LRRC7: variants seen among roughly 807,000 people sequenced by gnomAD.
The protein encoded by LRRC7 is leucine-rich repeat-containing protein 7.
Under a neutral mutation model 175.7 loss-of-function variants are expected in LRRC7, and 23 were observed. That is an observed-to-expected ratio of 0.13 (90% confidence interval 0.09 to 0.19). The LOEUF (loss-of-function observed/expected upper bound fraction) is 0.19. Ranked by LOEUF, LRRC7 falls within the 10% of genes least tolerant of loss-of-function variation. LRRC7 has a pLI of 1.00. For synonymous variants in LRRC7, 685 were observed against 680.9 expected (o/e 1.01, Z -0.09); for missense variants, 1,354 against 1,904.7 (o/e 0.71, Z 5.38).
chr1:69,919,524 C>G (rs968819937), intron 7 of LRRC7: 2 of 808,150 alleles, frequency 2.5e-6, no homozygotes, highest in African/African-American at 1.7e-5. Context: ...CCAGGGTCCG[C>G]CGCTCGCACC....
intron 20 of LRRC7, 138 bp from the exon 21 acceptor site, chr1:70,037,975 A>G (rs1571125180): frequency 8.5e-7 from 1 of 1,175,112 alleles, no homozygotes; most frequent in East Asian, 2.4e-5. Context: ...AAATAATAAT[A>G]CTATCTTAAT....
intron 4 of LRRC7, among the ~76,000 whole-genome samples, chr1:69,819,509 T>A (rs974408845): frequency 6.6e-6 from 1 of 151,924 alleles, no homozygotes; most frequent in Non-Finnish European, 1.5e-5. Context: ...GAATATTTCA[T>A]GTGTGCTTGA....
chr1:69,578,349 G>C (rs1202190547), intron 1 of LRRC7, among the ~76,000 whole-genome samples: 2 of 149,490 alleles, frequency 1.3e-5, no homozygotes, highest in African/African-American at 5.0e-5. Flanking sequence ...TGGTGGGACT[G>C]TAAACTAGTT....
intron 7 of LRRC7, among the ~76,000 whole-genome samples, chr1:69,892,561 A>C (rs868824266): frequency 6.6e-6 from 1 of 152,180 alleles, no homozygotes; most frequent in Admixed American, 6.6e-5. Flanking sequence ...TTACGACTCA[A>C]ACTGTCATCC....
intron 23 of LRRC7, among the ~76,000 whole-genome samples, chr1:70,060,197 G>A (rs550281741): frequency 5.2e-4 from 79 of 151,954 alleles, no homozygotes; most frequent in African/African-American, 1.7e-3. Flanking sequence ...GGTGGTGTGC[G>A]TCTGTAGTCC....
intron 10 of LRRC7, 87 bp from the exon 11 acceptor site, chr1:69,994,474 C>T: frequency 1.1e-6 from 1 of 950,426 alleles, no homozygotes. Context: ...AAGCATTCAA[C>T]ACAAGTGATT....
intron 1 of LRRC7, among the ~76,000 whole-genome samples, chr1:69,621,201 T>G (rs1650526261): frequency 6.6e-6 from 1 of 152,088 alleles, no homozygotes; most frequent in South Asian, 2.1e-4. Context: ...TGTGCCACCA[T>G]GCCCGGCTAA....
At position 69,791,977 on chromosome 1, in the gene LRRC7, TG is replaced by T. The variant is rs1180072323; in HGVS notation, c.304-65del. On this transcript the variant is annotated intron_variant, in intron 3 of 26. Coordinates refer to ENST00000651989, the MANE Select transcript of LRRC7 (RefSeq NM_001370785.2). The stretch of plus-strand genomic sequence containing the variant: ...TATATAAACATGGTGACTTTAATTT[TG>T]TTACTGAGTTTATGAATGAATTTAA... The T allele has an allele frequency of 2.9e-6, 3 of 1,048,926 alleles. No homozygotes were observed. The African/African-American group carries it at 4.8e-5, about 17-fold the overall frequency. 65.0% of individuals were successfully genotyped at this position (1,048,926 alleles called of 1,614,324 possible).
At chr1:69,611,419 C>A (rs1773332) in intron 1 of LRRC7, among the ~76,000 whole-genome samples, 19,504 of 151,922 alleles carry the variant, frequency 0.13, 1,594 homozygotes, top group South Asian at 0.19. Flanking sequence ...TAGTTGTATT[C>A]TGAAATGTTG....
rs188320543 is a variant in LRRC7 at position 69,744,267 on chromosome 1, A to G, written c.101-15924A>G. 1.8e-4 allele frequency among the ~76,000 whole-genome samples: 28 copies of G among 151,974 alleles called. No individual in the cohort carries two copies. In the East Asian group the frequency reaches 5.2e-3, roughly 28 times the overall value. ...ATGCTCTCAACTGCAATACACACGTATATACATACACATGTACAATATATA... is the reference window on the plus strand; with the variant it reads ...ATGCTCTCAACTGCAATACACACGTGTATACATACACATGTACAATATATA... On this transcript the variant is annotated intron_variant, in intron 2 of 26. Transcript: ENST00000651989.
chr1:69,761,478 T>C (rs971056073), intron 3 of LRRC7, among the ~76,000 whole-genome samples: 1 of 152,062 alleles, frequency 6.6e-6, no homozygotes, highest in African/African-American at 2.4e-5. Flanking sequence ...GCTGTTTACA[T>C]AACACTTCAA....
chr1:69,923,869 T>C (rs894659555), intron 7 of LRRC7, among the ~76,000 whole-genome samples: 9 of 152,194 alleles, frequency 5.9e-5, no homozygotes, highest in African/African-American at 2.2e-4. Flanking sequence ...AGACATGAAG[T>C]CCTTGCCCAT....
chr1:69,608,157 A>G (rs1330089799), intron 1 of LRRC7: 1 of 152,540 alleles, frequency 6.6e-6, no homozygotes, highest in Non-Finnish European at 1.5e-5. Context: ...CTAATTTTCA[A>G]TAATATACAA....
At chr1:69,696,939 T>C (rs1462359556) in intron 2 of LRRC7, among the ~76,000 whole-genome samples, 1 of 152,204 alleles carries the variant, frequency 6.6e-6, no homozygotes, top group African/African-American at 2.4e-5. Flanking sequence ...CAGCTTCAGG[T>C]ATTCCTTTAT....
At chr1:70,096,383 T>C (rs959644645) in intron 25 of LRRC7, among the ~76,000 whole-genome samples, 5 of 152,194 alleles carry the variant, frequency 3.3e-5, no homozygotes, top group African/African-American at 9.7e-5. Flanking sequence ...GCTTCCTATA[T>C]TTAAAAATCG....
chr1:70,078,826 A>G lies in LRRC7; in HGVS notation c.4452+2528A>G, dbSNP rs986638684. Among the ~76,000 whole-genome samples the G allele has an allele frequency of 3.9e-3, 182 of 46,828 alleles. 1 individual carries two copies. Among genetic ancestry groups the G allele is most frequent in the African/African-American group, 7.8e-3 (128 of 16,416 alleles). 30.7% of individuals were successfully genotyped at this position (46,828 alleles called of 152,430 possible). A position where few individuals can be genotyped will look rare whatever the true frequency, so the allele number is the denominator to read the frequency against. Reference sequence around the variant, plus strand: ...CGCGCGCGCGCACACACACACACGCACACACACACACACACACACACACAC... The same window carrying G: ...CGCGCGCGCGCACACACACACACGCGCACACACACACACACACACACACAC... On this transcript the variant is annotated intron_variant, in intron 24 of 26. Coordinates refer to ENST00000651989, the MANE Select transcript of LRRC7 (RefSeq NM_001370785.2).
In LRRC7 at chr1:70,140,853, T is replaced by TC. The variant is rs1419551533; in HGVS notation, c.*18967dup. Among the ~76,000 whole-genome samples the TC allele has an allele frequency of 6.6e-6, 1 of 152,106 alleles. No homozygotes were observed. The highest frequency in any genetic ancestry group is 1.5e-5 in the Non-Finnish European group (1 of 67,982). ...GATGGCTTTCCCTTCTCCCTAAGTG[T>TC]CAGTGACTTAACTGACATAAATGCA... On this transcript the variant is annotated 3_prime_UTR_variant, in exon 27 of 27. Transcript: ENST00000651989.
intron 25 of LRRC7, among the ~76,000 whole-genome samples, chr1:70,103,496 T>A (rs892504128): frequency 2.0e-5 from 3 of 152,258 alleles, no homozygotes; most frequent in South Asian, 4.1e-4. Context: ...ATCATGAGCC[T>A]AGGAATGTGG....
intron 7 of LRRC7, among the ~76,000 whole-genome samples, chr1:69,851,991 A>G (rs1304800456): frequency 6.6e-6 from 1 of 152,146 alleles, no homozygotes; most frequent in East Asian, 1.9e-4. Context: ...AAATGTGAAG[A>G]TATGAAAAGG....
Sources: allele counts gnomAD v4.1 joint callset (sites outside exome capture counted in the v4.1 genomes callset), GRCh38; gene constraint gnomAD v4.1.1; transcripts MANE v1.5; gene names NCBI Gene and HGNC (gene_info 2026-07-23, HGNC 2026-07-21).